The following PDE1A variants were observed in gnomAD, a reference collection of about 807,000 sequenced individuals.
PDE1A encodes dual specificity calcium/calmodulin-dependent 3',5'-cyclic nucleotide phosphodiesterase 1A.
Under a neutral mutation model 61.7 loss-of-function variants are expected in PDE1A, and 35 were observed. That is an observed-to-expected ratio of 0.57 (90% CI 0.43 to 0.75). PDE1A has a LOEUF of 0.75. Ranked by LOEUF, PDE1A falls within the 30% of genes least tolerant of loss-of-function variation. PDE1A has a pLI of 0.00. For synonymous variants in PDE1A, 232 were observed against 213.2 expected, an observed-to-expected ratio of 1.09 and a Z score of -0.77; for missense variants, 597 against 630.6, an observed-to-expected ratio of 0.95 and a Z score of 0.57.
At chr2:182,319,418 C>T (rs1334268311) in intron 1 of PDE1A, among the ~76,000 whole-genome samples, 2 of 152,250 alleles carry the variant, frequency 1.3e-5, no homozygotes, top group East Asian at 3.9e-4. Context: ...GAAAACTAAA[C>T]AATGCTCATT....
chr2:182,154,073 G>T (rs1037194363), intron 13 of PDE1A, among the ~76,000 whole-genome samples: 10 of 152,120 alleles, frequency 6.6e-5, no homozygotes, highest in Non-Finnish European at 1.0e-4. Flanking sequence ...TCTGTAAAAT[G>T]ATGCAAACAT....
intron 1 of PDE1A, among the ~76,000 whole-genome samples, chr2:182,305,973 T>C (rs144288592): frequency 6.6e-6 from 1 of 152,144 alleles, no homozygotes; most frequent in Non-Finnish European, 1.5e-5. Context: ...TGCAATAGAG[T>C]TCAAAAAATT....
At chr2:182,689,116 C>A in the PDE1A span, among the ~76,000 whole-genome samples, 2 of 152,146 alleles carry the variant, frequency 1.3e-5, no homozygotes, top group South Asian at 4.1e-4. Context: ...TTAGAGAGAT[C>A]AGCGAGACAG....
chr2:182,293,222 C>A (rs983213720), intron 1 of PDE1A, among the ~76,000 whole-genome samples: 1 of 152,078 alleles, frequency 6.6e-6, no homozygotes, highest in African/African-American at 2.4e-5. Context: ...AAGAAAGTTG[C>A]ATCAAATTCT....
intron 1 of PDE1A, among the ~76,000 whole-genome samples, chr2:182,349,019 A>T (rs1166178963): frequency 6.6e-6 from 1 of 152,150 alleles, no homozygotes; most frequent in Non-Finnish European, 1.5e-5. Flanking sequence ...AGGCATCTCC[A>T]ATAAGGATCT....
intron 1 of PDE1A, among the ~76,000 whole-genome samples, chr2:182,409,059 C>T (rs1450465798): frequency 2.6e-5 from 4 of 152,148 alleles, no homozygotes; most frequent in Non-Finnish European, 4.4e-5. Context: ...CTTCCTGCTC[C>T]GAAACTCTCC....
At chr2:182,146,010 AC>A (rs1203991137), downstream of PDE1A, among the ~76,000 whole-genome samples, 1 of 151,378 alleles carries the variant, frequency 6.6e-6, no homozygotes, top group Non-Finnish European at 1.5e-5. Context: ...CCAACCCACC[AC>A]CCCCATAACA....
intron 1 of PDE1A, among the ~76,000 whole-genome samples, chr2:182,408,701 T>A (rs1702443663): frequency 6.6e-6 from 1 of 152,246 alleles, no homozygotes; most frequent in African/African-American, 2.4e-5. Context: ...GATCTACACC[T>A]ACTGCTCTCT....
chr2:182,190,743 G>T (rs1685613968), intron 10 of PDE1A, among the ~76,000 whole-genome samples: 1 of 152,082 alleles, frequency 6.6e-6, no homozygotes, highest in Non-Finnish European at 1.5e-5. Context: ...GGATCACGAA[G>T]TCAGGAGATT....
intron 2 of PDE1A, among the ~76,000 whole-genome samples, chr2:182,247,018 G>A (rs1691023004): frequency 1.3e-5 from 2 of 152,192 alleles, no homozygotes; most frequent in Admixed American, 1.3e-4. Flanking sequence ...AAGTTTTAAT[G>A]TATACTCCTG....
At chr2:182,438,519 A>C (rs770770073) in intron 2 of PDE1A, among the ~76,000 whole-genome samples, 1 of 152,052 alleles carries the variant, frequency 6.6e-6, no homozygotes, top group Non-Finnish European at 1.5e-5. Flanking sequence ...AGAGAAAGGA[A>C]GACTCACAGA....
chr2:182,602,786 G>A, the PDE1A span, among the ~76,000 whole-genome samples: 1 of 152,060 alleles, frequency 6.6e-6, no homozygotes, highest in African/African-American at 2.4e-5. Context: ...AAGATAAATT[G>A]TACAATAGAC....
At chr2:182,256,331 C>T (rs1691811104) in intron 2 of PDE1A, among the ~76,000 whole-genome samples, 2 of 145,544 alleles carry the variant, frequency 1.4e-5, no homozygotes, top group South Asian at 2.2e-4. Flanking sequence ...TGAGAATATG[C>T]GGTGTTTGGT....
chr2:182,677,774 G>A, the PDE1A span, among the ~76,000 whole-genome samples: 1 of 152,186 alleles, frequency 6.6e-6, no homozygotes, highest in African/African-American at 2.4e-5. Flanking sequence ...ATGGGAAAAG[G>A]ACTCCATATT....
intron 1 of PDE1A, among the ~76,000 whole-genome samples, chr2:182,323,424 A>C (rs889807441): frequency 6.6e-6 from 1 of 152,220 alleles, no homozygotes; most frequent in African/African-American, 2.4e-5. Flanking sequence ...TAATAACTAT[A>C]ATAAGGAATG....
chr2:182,457,305 C>T (rs1266044509), intron 2 of PDE1A, among the ~76,000 whole-genome samples: 3 of 151,864 alleles, frequency 2.0e-5, no homozygotes, highest in Admixed American at 6.6e-5. Context: ...ATGAAATTAC[C>T]TGCATATGAT....
intron 1 of PDE1A, among the ~76,000 whole-genome samples, chr2:182,412,942 A>G (rs561507886): frequency 6.6e-6 from 1 of 152,322 alleles, no homozygotes; most frequent in East Asian, 1.9e-4. Flanking sequence ...TTTGGTTGGA[A>G]CAATCAGGGA....
intron 3 of PDE1A, among the ~76,000 whole-genome samples, chr2:182,238,266 C>CAAAAAAAAAAAAAAAAAAAAAAAAAA (rs3063250): frequency 7.1e-5 from 7 of 98,086 alleles, no homozygotes; most frequent in African/African-American, 2.2e-4. Context: ...CAGACTACGT[C>CAAAAAAAAAAAAAAAAAAAAAAAAAA]AAAAAAAAAA....
the PDE1A span, among the ~76,000 whole-genome samples, chr2:182,571,820 C>G: frequency 6.6e-6 from 1 of 152,030 alleles, no homozygotes; most frequent in Non-Finnish European, 1.5e-5. Flanking sequence ...ATCCATTATG[C>G]CAGCAGAATT....
Sources: allele counts gnomAD v4.1 joint callset (sites outside exome capture counted in the v4.1 genomes callset), GRCh38; gene constraint gnomAD v4.1.1; transcripts MANE v1.5; gene names NCBI Gene and HGNC (gene_info 2026-07-23, HGNC 2026-07-21).